Variants in FRMD4A observed in about 807,000 individuals in gnomAD.
FRMD4A encodes FERM domain-containing protein 4A.
FRMD4A carries 29 observed loss-of-function variants against 129.1 expected under a neutral mutation model. The observed-to-expected ratio is 0.22, with a 90% CI of 0.17 to 0.31. The LOEUF (loss-of-function observed/expected upper bound fraction) is 0.31, where lower values mean the gene tolerates loss of function less well. Among genes scored for constraint, FRMD4A ranks in the 10% least tolerant of loss-of-function variants. The pLI, the probability that FRMD4A is intolerant of heterozygous loss-of-function variation, is 1.00. For synonymous variants in FRMD4A, 634 were observed against 571.6 expected (o/e 1.11, Z -1.56); for missense variants, 1,272 against 1,375.8 (o/e 0.92, Z 1.19).
chr10:14,066,898 G>A (rs879176199), intron 2 of FRMD4A, among the ~76,000 whole-genome samples: 1 of 152,142 alleles, frequency 6.6e-6, no homozygotes, highest in Non-Finnish European at 1.5e-5. Context: ...TAATAATGTC[G>A]AAAAATGTTA....
At chr10:14,018,797 T>C (rs542187099) in intron 2 of FRMD4A, among the ~76,000 whole-genome samples, 6 of 152,146 alleles carry the variant, frequency 3.9e-5, no homozygotes, top group African/African-American at 1.4e-4. Flanking sequence ...TCAAAATAAA[T>C]GCACAGGAAG....
At chr10:13,967,278 G>A (rs867973279) in intron 2 of FRMD4A, among the ~76,000 whole-genome samples, 12 of 152,186 alleles carry the variant, frequency 7.9e-5, no homozygotes, top group Middle Eastern at 3.4e-3. Context: ...CGGAGCTTGC[G>A]GTGAGCTGAG....
chr10:14,224,043 G>T (rs1589192202), intron 2 of FRMD4A, among the ~76,000 whole-genome samples: 2 of 152,282 alleles, frequency 1.3e-5, no homozygotes, highest in African/African-American at 2.4e-5. Flanking sequence ...GACATACATT[G>T]TCCATTGCTC....
chr10:13,844,596 C>T (rs1258641725), intron 3 of FRMD4A, among the ~76,000 whole-genome samples: 1 of 152,148 alleles, frequency 6.6e-6, no homozygotes, highest in African/African-American at 2.4e-5. Context: ...AATCACTGTA[C>T]TTACTGATCT....
At chr10:13,654,916 C>G (rs908116746) in intron 22 of FRMD4A, 1 of 191,044 alleles carries the variant, frequency 5.2e-6, no homozygotes, top group Non-Finnish European at 1.1e-5. Flanking sequence ...GGGCATATTT[C>G]TCTGGCCCCA....
intron 2 of FRMD4A, among the ~76,000 whole-genome samples, chr10:13,864,338 CAA>C (rs149602938): frequency 5.4e-4 from 62 of 114,620 alleles, no homozygotes; most frequent in Non-Finnish European, 7.6e-4. Flanking sequence ...CATCTTGAGT[CAA>C]AAAAAAAAAA....
At chr10:14,110,351 C>G (rs931353577) in intron 2 of FRMD4A, among the ~76,000 whole-genome samples, 2 of 151,904 alleles carry the variant, frequency 1.3e-5, no homozygotes, top group Admixed American at 1.3e-4. Flanking sequence ...AGAATTCACT[C>G]AAAAGAAAAA....
At chr10:14,226,687 G>A (rs983484011) in intron 2 of FRMD4A, among the ~76,000 whole-genome samples, 5 of 152,042 alleles carry the variant, frequency 3.3e-5, no homozygotes, top group African/African-American at 1.2e-4. Flanking sequence ...ATATAAATGT[G>A]AGGAGAACAC....
At chr10:13,777,792 T>G (rs2092631986) in intron 6 of FRMD4A, among the ~76,000 whole-genome samples, 1 of 22,526 alleles carries the variant, frequency 4.4e-5, no homozygotes, top group African/African-American at 1.0e-4. Flanking sequence ...TTTGGGTCAA[T>G]TTTTTTTTTT....
chr10:13,684,878 A>AC (rs1014823116), intron 15 of FRMD4A: 2 of 985,138 alleles, frequency 2.0e-6, no homozygotes, highest in Non-Finnish European at 2.4e-6. Flanking sequence ...AGAGAAAAAA[A>AC]AAAAAAAATG....
chr10:13,991,389 G>A (rs762818068), intron 2 of FRMD4A, among the ~76,000 whole-genome samples: 2 of 152,140 alleles, frequency 1.3e-5, no homozygotes, highest in Non-Finnish European at 2.9e-5. Flanking sequence ...CATCAGGCGC[G>A]GAGATTCAGG....
intron 2 of FRMD4A, among the ~76,000 whole-genome samples, chr10:14,121,872 C>G (rs1589021477): frequency 1.3e-5 from 2 of 152,214 alleles, no homozygotes; most frequent in Admixed American, 6.5e-5. Context: ...GTTACTTACA[C>G]TCCTCATGCC....
intron 2 of FRMD4A, among the ~76,000 whole-genome samples, chr10:14,137,903 T>C (rs1839628811): frequency 6.6e-6 from 1 of 152,218 alleles, no homozygotes. Flanking sequence ...CAGTGCTTTT[T>C]CTCTGTGAAG....
rs183013423 is a variant in FRMD4A, at chr10:13,920,620, A to G, written c.46-61708T>C. ...ACTTATAGGTGAATAGTGGAAAACC[A>G]CTTGTGTCGAAAGGGTATTTCCCTG... On this transcript the variant is annotated intron_variant, in intron 2 of 24. Coordinates refer to ENST00000357447, the MANE Select transcript of FRMD4A (RefSeq NM_018027.5). Among the ~76,000 whole-genome samples, 8 of 152,312 alleles carry G rather than the reference A, an allele frequency of 5.3e-5. No homozygotes were observed. The East Asian group carries it at 1.3e-3, about 26-fold the overall frequency.
At chr10:14,001,884 C>T (rs898688640) in intron 2 of FRMD4A, among the ~76,000 whole-genome samples, 13 of 152,286 alleles carry the variant, frequency 8.5e-5, no homozygotes, top group South Asian at 6.2e-4. Context: ...CACTGAAAGC[C>T]GTCTGCTGTA....
intron 2 of FRMD4A, among the ~76,000 whole-genome samples, chr10:14,037,026 T>C (rs931282655): frequency 1.3e-5 from 2 of 152,220 alleles, no homozygotes; most frequent in African/African-American, 4.8e-5. Flanking sequence ...AGTTAATTTC[T>C]CTTATACCTC....
intron 2 of FRMD4A, among the ~76,000 whole-genome samples, chr10:13,983,028 C>T (rs1247479948): frequency 6.6e-6 from 1 of 151,468 alleles, no homozygotes; most frequent in Non-Finnish European, 1.5e-5. Context: ...GATCTCGGCT[C>T]ACTGCAACTT....
chr10:14,232,674 C>A (rs1843676760), intron 2 of FRMD4A, among the ~76,000 whole-genome samples: 1 of 152,070 alleles, frequency 6.6e-6, no homozygotes, highest in Admixed American at 6.6e-5. Context: ...ATTTTTTATT[C>A]TTTTATTGCA....
chr10:13,809,779 C>T (rs1407195889), intron 4 of FRMD4A, among the ~76,000 whole-genome samples: 3 of 152,202 alleles, frequency 2.0e-5, no homozygotes, highest in South Asian at 4.1e-4. Context: ...CCAGATGGTC[C>T]GGTTTGCCCA....
Sources: allele counts gnomAD v4.1 joint callset (sites outside exome capture counted in the v4.1 genomes callset), GRCh38; gene constraint gnomAD v4.1.1; transcripts MANE v1.5; gene names NCBI Gene and HGNC (gene_info 2026-07-23, HGNC 2026-07-21).